FRMD3: variants seen among roughly 807,000 people sequenced by gnomAD.
The protein encoded by FRMD3 is FERM domain containing 3.
In FRMD3, 33 loss-of-function variants were observed where a neutral mutation model predicts 70.2. The observed-to-expected ratio is 0.47, with a 90% CI of 0.36 to 0.63. The LOEUF (loss-of-function observed/expected upper bound fraction) is 0.63, where lower values mean the gene tolerates loss of function less well. Ranked by LOEUF, FRMD3 falls within the 20% of genes least tolerant of loss-of-function variation. The pLI is 0.00. For missense variants in FRMD3, 632 were observed against 711.4 expected (o/e 0.89, Z 1.27); for synonymous variants, 279 against 255.9 (o/e 1.09, Z -0.86).
Position 83,302,319 on chromosome 9 carries a change from C to A in FRMD3, c.927-3133G>T, listed in dbSNP as rs540300500. ...CACCTTAAGGGGATTCCAAGAAGTC[C>A]ACTTACATTGGAGAAACTCTGTACC... On this transcript the variant is annotated intron_variant, in intron 10 of 13. Transcript: ENST00000304195. Among the ~76,000 whole-genome samples the A allele has an allele frequency of 3.9e-5, 6 of 152,216 alleles. No individual in the cohort carries two copies. In the East Asian group the frequency reaches 1.2e-3, roughly 29 times the overall value.
chr9:83,464,625 C>T (rs943168693), intron 1 of FRMD3, among the ~76,000 whole-genome samples: 2 of 152,182 alleles, frequency 1.3e-5, no homozygotes, highest in African/African-American at 4.8e-5. Flanking sequence ...AATTTAATGA[C>T]CTACAACTCT....
chr9:83,450,360 T>G (rs868557635), intron 1 of FRMD3, among the ~76,000 whole-genome samples: 82 of 142,022 alleles, frequency 5.8e-4, no homozygotes, highest in African/African-American at 7.7e-4. Context: ...TTTTTTTTTT[T>G]TTTTTTTTTT....
In FRMD3 at chr9:83,247,871, A is replaced by T; in HGVS notation, c.*47T>A. The T allele has an allele frequency of 2.5e-6, 4 of 1,581,326 alleles. No individual in the cohort carries two copies. In the South Asian group the frequency reaches 4.6e-5, roughly 18 times the overall value. On this transcript the variant is annotated 3_prime_UTR_variant, in exon 14 of 14. Coordinates refer to ENST00000304195, the MANE Select transcript of FRMD3 (RefSeq NM_174938.6). Reference sequence around the variant, plus strand: ...GAACCAGGCATTTGCTGAAAAAAAGAAATCACTAGCATTGAATATAGCCCT... The same window carrying T: ...GAACCAGGCATTTGCTGAAAAAAAGTAATCACTAGCATTGAATATAGCCCT...
intron 2 of FRMD3, among the ~76,000 whole-genome samples, chr9:83,378,537 T>TAATATACATATAAAATTTATATATATAA (rs1564047270): frequency 3.3e-5 from 1 of 29,910 alleles, no homozygotes; most frequent in African/African-American, 1.1e-4. Flanking sequence ...TTTATATATA[T>TAATATACATATAAAATTTATATATATAA]AATATACATA....
intron 1 of FRMD3, among the ~76,000 whole-genome samples, chr9:83,484,092 G>C (rs2131483470): frequency 6.6e-6 from 1 of 152,238 alleles, no homozygotes; most frequent in East Asian, 1.9e-4. Context: ...TTCCTTAAAA[G>C]AATACATTTA....
At chr9:83,331,821 C>T (rs765553172) in intron 6 of FRMD3, 2 of 717,390 alleles carry the variant, frequency 2.8e-6, no homozygotes, top group South Asian at 3.0e-5. Flanking sequence ...CCATTAAGGG[C>T]TGGGTGCCCA....
At position 83,252,697 on chromosome 9, in the gene FRMD3, G is replaced by C. The variant is rs190468504; in HGVS notation, c.1196-4181C>G. On this transcript the variant is annotated intron_variant, in intron 13 of 13. Transcript: ENST00000304195. Reference sequence around the variant, plus strand: ...AAATGTACCAAGCAAATGGAAAACAGAAAAAAAGCAGGGGTTGCAATCCTA... The same window carrying C: ...AAATGTACCAAGCAAATGGAAAACACAAAAAAAGCAGGGGTTGCAATCCTA... Among the ~76,000 whole-genome samples the C allele has an allele frequency of 4.7e-3, 707 of 151,884 alleles. 4 individuals are homozygous for C. Among genetic ancestry groups the C allele is most frequent in the Non-Finnish European group, 7.6e-3 (518 of 67,880 alleles).
At chr9:83,283,945 C>T (rs1391467513) in intron 13 of FRMD3, among the ~76,000 whole-genome samples, 7 of 151,974 alleles carry the variant, frequency 4.6e-5, no homozygotes, top group Non-Finnish European at 4.4e-5. Flanking sequence ...ACAAACAAAG[C>T]AGGAATTTTA....
chr9:83,372,301 G>T (rs1296581917), intron 3 of FRMD3, among the ~76,000 whole-genome samples: 1 of 151,648 alleles, frequency 6.6e-6, no homozygotes, highest in Non-Finnish European at 1.5e-5. Flanking sequence ...ATGACCAGGG[G>T]GTGCTAGAGA....
At chr9:83,382,256 T>G (rs1386358035) in intron 2 of FRMD3, among the ~76,000 whole-genome samples, 1 of 152,190 alleles carries the variant, frequency 6.6e-6, no homozygotes, top group African/African-American at 2.4e-5. Context: ...GCCTCTAGAT[T>G]CATGGGCCTT....
intron 1 of FRMD3, among the ~76,000 whole-genome samples, chr9:83,443,703 G>A (rs933502282): frequency 1.3e-5 from 2 of 152,092 alleles, no homozygotes; most frequent in South Asian, 2.1e-4. Context: ...CCAGATCCTC[G>A]AGGAATCGCC....
the FRMD3 span, among the ~76,000 whole-genome samples, chr9:83,583,184 C>T: frequency 2.6e-5 from 4 of 152,138 alleles, no homozygotes; most frequent in Non-Finnish European, 1.5e-5. Flanking sequence ...TTTTTACTGG[C>T]TTTTCTGCAC....
chr9:83,501,095 G>A (rs944343846), intron 1 of FRMD3, among the ~76,000 whole-genome samples: 1 of 152,118 alleles, frequency 6.6e-6, no homozygotes, highest in African/African-American at 2.4e-5. Flanking sequence ...TTCTGTAATT[G>A]CTTTTCTATA....
chr9:83,257,668 G>A (rs1832781454), intron 13 of FRMD3, among the ~76,000 whole-genome samples: 1 of 151,446 alleles, frequency 6.6e-6, no homozygotes, highest in Non-Finnish European at 1.5e-5. Flanking sequence ...AAAAAAAAAG[G>A]AATTTCCAAA....
At chr9:83,570,668 T>A in the FRMD3 span, among the ~76,000 whole-genome samples, 2 of 152,220 alleles carry the variant, frequency 1.3e-5, no homozygotes, top group Non-Finnish European at 2.9e-5. Context: ...AGGATTTGAC[T>A]TTAACTCTGA....
chr9:83,581,800 A>T, the FRMD3 span, among the ~76,000 whole-genome samples: 1 of 152,200 alleles, frequency 6.6e-6, no homozygotes, highest in Non-Finnish European at 1.5e-5. Flanking sequence ...TGAAGTGTGT[A>T]GTTATGCTAA....
At chr9:83,439,774 G>C (rs1165440600) in intron 1 of FRMD3, among the ~76,000 whole-genome samples, 1 of 152,158 alleles carries the variant, frequency 6.6e-6, no homozygotes, top group Non-Finnish European at 1.5e-5. Context: ...AACTTTCCCT[G>C]TGGGCAATGA....
chr9:83,286,054 A>G (rs1834195772), intron 13 of FRMD3, among the ~76,000 whole-genome samples: 2 of 152,176 alleles, frequency 1.3e-5, no homozygotes, highest in Non-Finnish European at 2.9e-5. Context: ...ATATGGCTGA[A>G]TGGGGTCACA....
chr9:83,508,391 A>G (rs1829253737), intron 1 of FRMD3, among the ~76,000 whole-genome samples: 1 of 152,222 alleles, frequency 6.6e-6, no homozygotes, highest in Non-Finnish European at 1.5e-5. Context: ...CACACATATA[A>G]CTTTGCATAC....
Sources: gnomAD v4.1 joint callset for allele counts (sites outside exome capture counted in the v4.1 genomes callset) on GRCh38, gnomAD v4.1.1 for gene constraint, MANE v1.5 for transcripts, NCBI Gene and HGNC (gene_info 2026-07-23, HGNC 2026-07-21) for gene names.